PHEX: variants seen among roughly 807,000 people sequenced by gnomAD.
PHEX encodes the protein phosphate regulating endopeptidase X-linked.
Under a neutral mutation model 68.0 loss-of-function variants are expected in PHEX, and 16 were observed. The observed-to-expected ratio is 0.24, with a 90% confidence interval of 0.16 to 0.36. The LOEUF (loss-of-function observed/expected upper bound fraction) is 0.36, where lower values mean the gene tolerates loss of function less well. Among genes scored for constraint, PHEX ranks in the 10% least tolerant of loss-of-function variants. The probability of loss-of-function intolerance (pLI) is 1.00; values close to 1 mark genes in which losing one functional copy is unlikely to be tolerated. For missense variants in PHEX, 480 were observed against 575.5 expected (o/e 0.83, Z 1.70); for synonymous variants, 208 against 205.1 (o/e 1.01, Z -0.12).
At position 22,119,688 on chromosome X, in the gene PHEX, G is replaced by A. The variant is rs112415953; in HGVS notation, c.1302+5102G>A. On this transcript the variant is annotated intron_variant, in intron 11 of 21. Coordinates refer to ENST00000379374, the MANE Select transcript of PHEX (RefSeq NM_000444.6). Reference sequence around the variant, plus strand: ...GCTCATTGCAACCTCTGCCTCCTGGGTTCAAGCCATTCTTGTGCCTCAGCC... The same window carrying A: ...GCTCATTGCAACCTCTGCCTCCTGGATTCAAGCCATTCTTGTGCCTCAGCC... Among the ~76,000 whole-genome samples, 196 of 108,295 alleles carry A rather than the reference G, an allele frequency of 1.8e-3. 2 individuals are homozygous for A. The highest frequency in any genetic ancestry group is 6.3e-3 in the African/African-American group (186 of 29,676). 94.0% of individuals were successfully genotyped at this position (108,295 alleles called of 115,157 possible).
intron 13 of PHEX, among the ~76,000 whole-genome samples, chrX:22,173,946 A>G (rs1933620553): frequency 8.9e-6 from 1 of 112,138 alleles, no homozygotes; most frequent in Admixed American, 9.5e-5. Context: ...CTGCCTTATA[A>G]ACATGTACTT....
At chrX:22,242,723 G>T (rs970717673) in intron 20 of PHEX, among the ~76,000 whole-genome samples, 9 of 111,590 alleles carry the variant, frequency 8.1e-5, no homozygotes, top group Non-Finnish European at 3.8e-5. Flanking sequence ...ACTTACAAGG[G>T]ATGTGAAGGA....
intron 1 of PHEX, among the ~76,000 whole-genome samples, chrX:22,035,090 CTT>C (rs1226395327): frequency 1.8e-5 from 2 of 110,482 alleles, no homozygotes; most frequent in Non-Finnish European, 1.9e-5. Flanking sequence ...TCCTGCTTGA[CTT>C]TGTGGTATAT....
intron 12 of PHEX, among the ~76,000 whole-genome samples, chrX:22,138,134 C>T (rs967740470): frequency 3.5e-5 from 4 of 112,847 alleles, no homozygotes; most frequent in South Asian, 3.6e-4. Context: ...ATGAACTGCT[C>T]GCACTTGAAT....
At chrX:22,073,700 C>T (rs1469392393) in intron 3 of PHEX, among the ~76,000 whole-genome samples, 2 of 82,723 alleles carry the variant, frequency 2.4e-5, no homozygotes, top group Non-Finnish European at 4.3e-5. Context: ...AGTGTAGTGG[C>T]GAGATCTTGG....
intron 12 of PHEX, among the ~76,000 whole-genome samples, chrX:22,158,433 G>A (rs143592171): frequency 0.033 from 3,714 of 111,085 alleles, 157 homozygotes; most frequent in African/African-American, 0.11. Context: ...TTCTTAAGTT[G>A]GTTAAATTAA....
At chrX:22,222,019 C>A (rs1441208352) in intron 18 of PHEX, among the ~76,000 whole-genome samples, 2 of 111,761 alleles carry the variant, frequency 1.8e-5, no homozygotes, top group Non-Finnish European at 1.9e-5. Context: ...ATCTATTATA[C>A]TTGTAGATGA....
chrX:22,111,216 G>A (rs1004514611), intron 9 of PHEX, among the ~76,000 whole-genome samples: 1 of 112,355 alleles, frequency 8.9e-6, no homozygotes, highest in Non-Finnish European at 1.9e-5. Context: ...AAAGTAAAAT[G>A]TTCACTCTGA....
At chrX:22,218,508 A>G (rs1435490619) in intron 16 of PHEX, among the ~76,000 whole-genome samples, 1 of 112,210 alleles carries the variant, frequency 8.9e-6, no homozygotes, top group Non-Finnish European at 1.9e-5. Context: ...TCTACAACAG[A>G]AAGAGGAACG....
chrX:22,071,855 T>C (rs1432041916), intron 3 of PHEX, among the ~76,000 whole-genome samples: 1 of 112,206 alleles, frequency 8.9e-6, no homozygotes, highest in Non-Finnish European at 1.9e-5. Flanking sequence ...CCCAGCACTT[T>C]GGGAGGCCGA....
At chrX:22,072,237 AAC>A (rs1224403952) in intron 3 of PHEX, among the ~76,000 whole-genome samples, 2 of 107,895 alleles carry the variant, frequency 1.9e-5, no homozygotes, top group Non-Finnish European at 3.8e-5. Context: ...AAAACAAACA[AAC>A]ACACAAAAAC....
chrX:22,249,210 T>C lies in PHEX; in HGVS notation c.*1257T>C, dbSNP rs1936483141. 1 of 89,061 alleles carries C rather than the reference T, an allele frequency of 1.1e-5. No homozygotes were observed. Among genetic ancestry groups the C allele is most frequent in the South Asian group, 5.0e-4 (1 of 1,984 alleles). The allele number at this position is 89,061 out of a possible 1,213,427, so 7.3% of individuals were successfully genotyped here. On this transcript the variant is annotated 3_prime_UTR_variant, in exon 22 of 22. Transcript: ENST00000379374. ...TGAACTCCTTTCTTATTACTGAGCGTGTGTGTGTGTGTGTGTGTGTGTGTG... is the reference window on the plus strand; with the variant it reads ...TGAACTCCTTTCTTATTACTGAGCGCGTGTGTGTGTGTGTGTGTGTGTGTG...
At chrX:22,185,162 A>G (rs1427256686) in intron 14 of PHEX, among the ~76,000 whole-genome samples, 8 of 112,068 alleles carry the variant, frequency 7.1e-5, no homozygotes, top group Non-Finnish European at 1.3e-4. Flanking sequence ...TGAAATTTCT[A>G]TGAGACCTCT....
chrX:22,228,954 T>C (rs5951518), intron 20 of PHEX, among the ~76,000 whole-genome samples: 9,072 of 111,183 alleles, frequency 0.082, 350 homozygotes, highest in East Asian at 0.23. Context: ...ATTGTTCGAC[T>C]CCCACTCATG....
At chrX:22,201,660 A>G (rs1934562318) in intron 15 of PHEX, among the ~76,000 whole-genome samples, 1 of 111,871 alleles carries the variant, frequency 8.9e-6, no homozygotes, top group Non-Finnish European at 1.9e-5. Flanking sequence ...GTCTCATGGG[A>G]TTCCTGTTAC....
In PHEX at chrX:22,042,079, CAGG is replaced by C. The variant is rs1460900228; in HGVS notation, c.187+3545_187+3547del. Among the ~76,000 whole-genome samples, 3 of 111,452 alleles carry C rather than the reference CAGG, an allele frequency of 2.7e-5. No homozygotes were observed. In the Admixed American group the frequency reaches 2.9e-4, roughly 11 times the overall value. On this transcript the variant is annotated intron_variant, in intron 2 of 21. Coordinates refer to ENST00000379374, the MANE Select transcript of PHEX (RefSeq NM_000444.6). Reference sequence around the variant, plus strand: ...GCAGAACAGCTGTGAGTACACATGGCAGGAGAATTACGGCCAAGCCAGGGCCTT... The same window carrying C: ...GCAGAACAGCTGTGAGTACACATGGCAGAATTACGGCCAAGCCAGGGCCTT...
intron 17 of PHEX, among the ~76,000 whole-genome samples, chrX:22,219,323 G>A (rs1935193136): frequency 8.9e-6 from 1 of 112,351 alleles, no homozygotes; most frequent in East Asian, 2.8e-4. Flanking sequence ...ACTTTAAAAG[G>A]CAGCCTTGTA....
chrX:22,107,382 G>A (rs777549791), intron 9 of PHEX, among the ~76,000 whole-genome samples: 3 of 112,054 alleles, frequency 2.7e-5, no homozygotes, highest in Admixed American at 9.4e-5. Context: ...CCTCCTTCTC[G>A]TCTCCACCTA....
rs1450192890 is a variant in PHEX at position 22,085,365 on chromosome X, A to G, written c.664-5064A>G. 2.7e-5 allele frequency among the ~76,000 whole-genome samples: 3 copies of G among 110,703 alleles called. No homozygotes were observed. In the East Asian group the frequency reaches 8.5e-4, roughly 31 times the overall value. On this transcript the variant is annotated intron_variant, in intron 5 of 21. Transcript: ENST00000379374. Reference sequence around the variant, plus strand: ...CGAGGCAGGTGGATCACCTGAGGTCAGGGGTTTGAGACCAGCCTGACCAAC... The same window carrying G: ...CGAGGCAGGTGGATCACCTGAGGTCGGGGGTTTGAGACCAGCCTGACCAAC...
Sources: gnomAD v4.1 joint callset for allele counts (sites outside exome capture counted in the v4.1 genomes callset) on GRCh38, gnomAD v4.1.1 for gene constraint, MANE v1.5 for transcripts, NCBI Gene and HGNC (gene_info 2026-07-23, HGNC 2026-07-21) for gene names.